CARS2: variants seen among roughly 807,000 people sequenced by gnomAD.
The protein encoded by CARS2 is probable cysteine--tRNA ligase, mitochondrial.
In CARS2, 52 loss-of-function variants were observed where a neutral mutation model predicts 68.8. The observed-to-expected ratio is 0.76, with a 90% confidence interval of 0.61 to 0.95. The LOEUF (loss-of-function observed/expected upper bound fraction) is 0.95. Ranked by LOEUF, CARS2 falls within the 40% of genes least tolerant of loss-of-function variation. CARS2 has a pLI of 0.00. For missense variants in CARS2, 780 were observed against 754.2 expected (o/e 1.03, Z -0.40); for synonymous variants, 314 against 303.6 (o/e 1.03, Z -0.36).
chr13:110,647,688 C>T (rs1888331670), intron 10 of CARS2, among the ~76,000 whole-genome samples: 1 of 152,230 alleles, frequency 6.6e-6, no homozygotes, highest in Admixed American at 6.5e-5. Context: ...ATGGGACAGC[C>T]CAAAGAGGGA....
intron 3 of CARS2, among the ~76,000 whole-genome samples, chr13:110,691,987 G>GAAAAAAAAAA (rs36121848): frequency 1.3e-5 from 1 of 76,876 alleles, no homozygotes; most frequent in African/African-American, 5.3e-5. Flanking sequence ...AAGCTGTGCA[G>GAAAAAAAAAA]AAAAAAAAAA....
At chr13:110,710,681 A>G (rs1238644222), upstream of CARS2, among the ~76,000 whole-genome samples, 2 of 152,164 alleles carry the variant, frequency 1.3e-5, no homozygotes, top group African/African-American at 4.8e-5. Flanking sequence ...TTGATCTTCT[A>G]AGTTTGTTCC....
intron 9 of CARS2, among the ~76,000 whole-genome samples, chr13:110,655,174 GCA>G (rs1478093747): frequency 6.6e-6 from 1 of 152,088 alleles, no homozygotes; most frequent in Non-Finnish European, 1.5e-5. Flanking sequence ...CATTAGATGT[GCA>G]CAGATATTTA....
Position 110,677,109 on chromosome 13 carries a change from G to T in CARS2, c.656-6C>A. 6.2e-7 allele frequency: 1 copy of T among 1,602,026 alleles called. No individual in the cohort carries two copies. Among genetic ancestry groups the T allele is most frequent in the Non-Finnish European group, 8.5e-7 (1 of 1,171,978 alleles). On this transcript the variant is annotated splice_polypyrimidine_tract_variant and splice_region_variant and intron_variant, in intron 6 of 14. Coordinates refer to ENST00000257347, the MANE Select transcript of CARS2 (RefSeq NM_024537.4). The stretch of plus-strand genomic sequence containing the variant: ...ATGACGCTTGTCAGAGTCCGCTGCA[G>T]ATGACAAACGGTACATCAGTGGGAA...
rs1022057210 is a variant in CARS2, at chr13:110,665,857, T to C, written c.919+1483A>G. 4.2e-5 allele frequency: 41 copies of C among 985,266 alleles called. No homozygotes were observed. The highest frequency in any genetic ancestry group is 4.8e-5 in the Non-Finnish European group (40 of 829,890). 61.0% of individuals were successfully genotyped at this position (985,266 alleles called of 1,614,324 possible). ...ACTTCTGCATTTAATGTCACCTTAC[T>C]GTGACATCTTAATTTCCCAATTCAA... On this transcript the variant is annotated intron_variant, in intron 8 of 14. Transcript: ENST00000257347. The surrounding 1 kb of genome is among the most constrained non-coding windows in gnomAD (Gnocchi z 4.3).
At position 110,647,179 on chromosome 13, in the gene CARS2, G is replaced by A. The variant is rs1888249418; in HGVS notation, c.1115C>T (p.Ser372Phe). ...GTAGGCACGTGCGTCCTCCAGGAAAGAGCCCAGCCCCAGGAGCAGCTGCTG... is the reference window on the plus strand; with the variant it reads ...GTAGGCACGTGCGTCCTCCAGGAAAAAGCCCAGCCCCAGGAGCAGCTGCTG... ...QAQQLLLGLG[S>F]FLEDARAYMK... Residue 372 changes from serine to phenylalanine, a missense_variant, in exon 11 of 15, where the codon TCT becomes TTT. Physicochemically the swap from Ser to Phe is radical, Grantham distance 155. Coordinates refer to ENST00000257347, the MANE Select transcript of CARS2 (RefSeq NM_024537.4). The A allele has an allele frequency of 1.2e-6, 2 of 1,613,118 alleles. No homozygotes were observed. The highest frequency in any genetic ancestry group is 1.7e-6 in the Non-Finnish European group (2 of 1,179,864).
intron 13 of CARS2, 164 bp downstream of exon 13, chr13:110,644,221 T>C (rs1214780381): frequency 1.4e-6 from 2 of 1,438,478 alleles, no homozygotes; most frequent in African/African-American, 1.4e-5. Flanking sequence ...TTAATAAGTA[T>C]TGGCTCTGAG....
At chr13:110,713,473 C>A in exon 1 of CARS2, 2 of 989,454 alleles carry the variant, frequency 2.0e-6, no homozygotes, top group Non-Finnish European at 2.4e-6. Context: ...CGTCCACACC[C>A]CAGCGGCCCT....
At chr13:110,694,919 C>T (rs747581291) in intron 3 of CARS2, among the ~76,000 whole-genome samples, 6 of 152,128 alleles carry the variant, frequency 3.9e-5, no homozygotes, top group Non-Finnish European at 5.9e-5. Flanking sequence ...GTAAAGAAAA[C>T]GCAGCACAGT....
chr13:110,701,533 T>G lies in CARS2; in HGVS notation c.298A>C (p.Ile100Leu). ...HACSYVRFDI[I>L]RRILTKVFGC... Reference sequence around the variant, plus strand: ...AAAACCTTGGTTAGGATCCTTCGAATGATATCAAATCTAACATATGAGCTG... The same window carrying G: ...AAAACCTTGGTTAGGATCCTTCGAAGGATATCAAATCTAACATATGAGCTG... Residue 100 changes from isoleucine (I) to leucine (L), a missense_variant, in exon 3 of 15, where the codon ATT becomes CTT. Ile to Leu is a conservative substitution (Grantham distance 5, BLOSUM62 2). Transcript: ENST00000257347. 1 of 1,547,100 alleles carries G rather than the reference T, an allele frequency of 6.5e-7. No homozygotes were observed.
chr13:110,689,281 C>G (rs10219862), intron 3 of CARS2, among the ~76,000 whole-genome samples: 5,459 of 152,360 alleles, frequency 0.036, 324 homozygotes, highest in African/African-American at 0.12. Flanking sequence ...AAGCACAGCA[C>G]CTGCCACCTG....
upstream of CARS2, chr13:110,707,516 G>C (rs376518695): frequency 6.6e-5 from 10 of 152,130 alleles, no homozygotes; most frequent in East Asian, 1.2e-3. Flanking sequence ...GCGTGGTGGC[G>C]TGCATCTGTA....
intron 10 of CARS2, 34 bp downstream of exon 10, chr13:110,650,998 TGG>T (rs71669698): frequency 1.3e-6 from 2 of 1,503,562 alleles, no homozygotes; most frequent in Non-Finnish European, 1.8e-6. Context: ...GTCTCCGAGC[TGG>T]GGGGGGAGTC....
chr13:110,686,242 CTTTT>C (rs60668690), intron 5 of CARS2, among the ~76,000 whole-genome samples: 30 of 136,204 alleles, frequency 2.2e-4, no homozygotes, highest in Non-Finnish European at 2.7e-4. Context: ...GCAACTCACG[CTTTT>C]TTTTTTTTTT....
At position 110,645,955 on chromosome 13, in the gene CARS2, TC is replaced by T; in HGVS notation, c.1317+11del. ...GCAGCAGGACCGCAAGGCCACCTGTTCGTTGAGCTACCTTCAGGGACGCCCT... is the reference window on the plus strand; with the variant it reads ...GCAGCAGGACCGCAAGGCCACCTGTTGTTGAGCTACCTTCAGGGACGCCCT... On this transcript the variant is annotated intron_variant, in intron 12 of 14. Coordinates refer to ENST00000257347, the MANE Select transcript of CARS2 (RefSeq NM_024537.4). 1 of 1,610,144 alleles carries T rather than the reference TC, an allele frequency of 6.2e-7. No individual in the cohort carries two copies.
rs1489263131 is a variant in CARS2, at chr13:110,664,116, T to C, written c.920-598A>G. Reference sequence around the variant, plus strand: ...ACTCCTGAATCTGACCCTGAAATTCTCCCTGGCCTGTAGCTTTTTACAAGG... The same window carrying C: ...ACTCCTGAATCTGACCCTGAAATTCCCCCTGGCCTGTAGCTTTTTACAAGG... On this transcript the variant is annotated intron_variant, in intron 8 of 14. Coordinates refer to ENST00000257347, the MANE Select transcript of CARS2 (RefSeq NM_024537.4). 3.0e-6 allele frequency: 3 copies of C among 985,150 alleles called. No homozygotes were observed. The African/African-American group carries it at 5.2e-5, about 17-fold the overall frequency. 61.0% of individuals were successfully genotyped at this position (985,150 alleles called of 1,614,324 possible). A position where few individuals can be genotyped will look rare whatever the true frequency, so the allele number is the denominator to read the frequency against.
intron 3 of CARS2, among the ~76,000 whole-genome samples, chr13:110,694,641 C>T (rs2063568620): frequency 6.6e-6 from 1 of 151,952 alleles, no homozygotes; most frequent in African/African-American, 2.4e-5. Flanking sequence ...TGTCTCAAAA[C>T]AAAAACAAAA....
Position 110,665,612 on chromosome 13 carries a change from T to C in CARS2, c.919+1728A>G, listed in dbSNP as rs2062627157. On this transcript the variant is annotated intron_variant, in intron 8 of 14. Coordinates refer to ENST00000257347, the MANE Select transcript of CARS2 (RefSeq NM_024537.4). This position sits in a 1 kb window ranked among gnomAD's most constrained non-coding sequence, Gnocchi z 4.3. ...TCGCAGAAGGGCTCACAGCAGGTCA[T>C]GGTTGTCAGTAACAAACCCTGACCT... 2 of 985,396 alleles carry C rather than the reference T, an allele frequency of 2.0e-6. No individual in the cohort carries two copies. Among genetic ancestry groups the C allele is most frequent in the Non-Finnish European group, 2.4e-6 (2 of 829,962 alleles). 61.0% of individuals were successfully genotyped at this position (985,396 alleles called of 1,614,324 possible).
Position 110,665,262 on chromosome 13 carries a change from A to G in CARS2, c.920-1744T>C. ...GGGGTTTGAGCCCAGCCTGGCCAAC[A>G]TGGTGAAACCCTGCTTCTACTAAAA... is the stretch of plus-strand genomic sequence containing the variant. On this transcript the variant is annotated intron_variant, in intron 8 of 14. Transcript: ENST00000257347. This position sits in a 1 kb window ranked among gnomAD's most constrained non-coding sequence, Gnocchi z 4.3. 1.4e-6 allele frequency: 1 copy of G among 727,832 alleles called. No individual in the cohort carries two copies. The highest frequency in any genetic ancestry group is 1.7e-6 in the Non-Finnish European group (1 of 594,908). 45.1% of individuals were successfully genotyped at this position (727,832 alleles called of 1,614,324 possible).
Sources: gnomAD v4.1 joint callset for allele counts (sites outside exome capture counted in the v4.1 genomes callset) on GRCh38, gnomAD v4.1.1 for gene constraint, Gnocchi (gnomAD v3.1) non-coding constraint, MANE v1.5 for transcripts, NCBI Gene and HGNC (gene_info 2026-07-23, HGNC 2026-07-21) for gene names.